The following CDH4 variants were observed in gnomAD, a reference collection of about 807,000 sequenced individuals.
CDH4 encodes cadherin-4.
CDH4 carries 33 observed loss-of-function variants against 86.0 expected under a neutral mutation model. The ratio of observed to expected loss-of-function variants is 0.38; its 90% CI spans 0.29 to 0.51. CDH4 has a LOEUF of 0.51. Among genes scored for constraint, CDH4 ranks in the 20% least tolerant of loss-of-function variants. The pLI, the probability that CDH4 is intolerant of heterozygous loss-of-function variation, is 0.86. For synonymous variants in CDH4, 555 were observed against 549.4 expected, an observed-to-expected ratio of 1.01 and a Z score of -0.14; for missense variants, 1,114 against 1,307.4, an observed-to-expected ratio of 0.85 and a Z score of 2.28.
chr20:61,707,980 G>A (rs1228022285), intron 2 of CDH4, among the ~76,000 whole-genome samples: 4 of 152,132 alleles, frequency 2.6e-5, no homozygotes, highest in Admixed American at 6.5e-5. Context: ...TTAGGAAGGC[G>A]GCCACCAGGC....
chr20:61,681,174 C>A lies in CDH4; in HGVS notation c.170-62389C>A, dbSNP rs566627583. 6.6e-6 allele frequency among the ~76,000 whole-genome samples: 1 copy of A among 152,314 alleles called. No individual in the cohort carries two copies. Among genetic ancestry groups the A allele is most frequent in the Admixed American group, 6.5e-5 (1 of 15,298 alleles). ...TGCAAGGGTAAAACACCCGCCCTCA[C>A]GTCCTAATGGCTTTTTTTCTCTTTC... On this transcript the variant is annotated intron_variant, in intron 2 of 15. Coordinates refer to ENST00000614565, the MANE Select transcript of CDH4 (RefSeq NM_001794.5). This position sits in a 1 kb window ranked among gnomAD's most constrained non-coding sequence, Gnocchi z 4.5.
intron 2 of CDH4, among the ~76,000 whole-genome samples, chr20:61,329,153 A>G (rs2123257073): frequency 6.6e-6 from 1 of 152,388 alleles, no homozygotes; most frequent in Non-Finnish European, 1.5e-5. Context: ...CTGAACGTGT[A>G]TCATTTTTGT....
At chr20:61,556,242 C>A (rs2086176550) in intron 2 of CDH4, among the ~76,000 whole-genome samples, 1 of 149,372 alleles carries the variant, frequency 6.7e-6, no homozygotes, top group Non-Finnish European at 1.5e-5. Flanking sequence ...ATGATCTGGG[C>A]AAATGCAGGC....
intron 2 of CDH4, among the ~76,000 whole-genome samples, chr20:61,424,084 G>GTATACACACA (rs1568839117): frequency 6.7e-6 from 1 of 150,058 alleles, no homozygotes; most frequent in African/African-American, 2.5e-5. Flanking sequence ...CAGCACACAC[G>GTATACACACA]TATACACACG....
In CDH4 at chr20:61,852,774, C is replaced by T. The variant is rs372639772; in HGVS notation, c.753C>T (p.Asp251=). 6.3e-5 allele frequency: 101 copies of T among 1,613,374 alleles called. No individual in the cohort carries two copies. Among genetic ancestry groups the T allele is most frequent in the Non-Finnish European group, 8.5e-5 (100 of 1,179,658 alleles). The change falls in exon 6 of 16, where the codon GAC becomes GAT. Residue 251 remains aspartate, a synonymous_variant. Transcript: ENST00000614565. ...ASYHLRAHAV[D]MNGNKVENPI... ...TCCAGCTCCGAGCCCACGCTGTGGA[C>T]ATGAATGGCAACAAGGTGGAGAACC... is the stretch of plus-strand genomic sequence containing the variant.
At chr20:61,766,950 G>T (rs2088706633) in intron 3 of CDH4, among the ~76,000 whole-genome samples, 3 of 152,254 alleles carry the variant, frequency 2.0e-5, no homozygotes. Context: ...CCAATCGTGG[G>T]CCCTGTGGGA....
At chr20:61,671,075 T>G (rs1371328724) in intron 2 of CDH4, among the ~76,000 whole-genome samples, 1 of 151,852 alleles carries the variant, frequency 6.6e-6, no homozygotes, top group African/African-American at 2.4e-5. Flanking sequence ...AATGGATAGG[T>G]AGATGGAGGG....
At chr20:61,359,222 T>C (rs28726336) in intron 2 of CDH4, among the ~76,000 whole-genome samples, 34,669 of 152,084 alleles carry the variant, frequency 0.23, 4,482 homozygotes, top group South Asian at 0.35. Flanking sequence ...CTCTTAAACC[T>C]GGCGAGGTAT....
intron 4 of CDH4, among the ~76,000 whole-genome samples, chr20:61,830,595 C>G (rs1981553658): frequency 6.6e-6 from 1 of 152,340 alleles, no homozygotes; most frequent in South Asian, 2.1e-4. Context: ...AGGCCTCCCC[C>G]ATGCTGAGCT....
chr20:61,856,533 C>T (rs1159244121), intron 6 of CDH4, among the ~76,000 whole-genome samples: 2 of 150,256 alleles, frequency 1.3e-5, no homozygotes, highest in African/African-American at 4.9e-5. Flanking sequence ...CTCTTCCCCA[C>T]CTCCCCCCGC....
intron 2 of CDH4, among the ~76,000 whole-genome samples, chr20:61,297,057 A>G (rs924609784): frequency 1.3e-5 from 2 of 152,136 alleles, no homozygotes; most frequent in African/African-American, 4.8e-5. Flanking sequence ...TTTACTTACC[A>G]TGTATTAGGG....
chr20:61,898,485 T>G (rs1189582602), intron 8 of CDH4, among the ~76,000 whole-genome samples: 2 of 152,082 alleles, frequency 1.3e-5, no homozygotes, highest in Non-Finnish European at 2.9e-5. Context: ...CCCCAAAGCC[T>G]CCTATTAACA....
At chr20:61,484,443 T>C (rs1405860023) in intron 2 of CDH4, among the ~76,000 whole-genome samples, 1 of 152,212 alleles carries the variant, frequency 6.6e-6, no homozygotes, top group East Asian at 1.9e-4. Flanking sequence ...GCTGCATCGC[T>C]GTTTCTCCAG....
chr20:61,494,372 A>G (rs182879318), intron 2 of CDH4, among the ~76,000 whole-genome samples: 5 of 152,334 alleles, frequency 3.3e-5, no homozygotes, highest in African/African-American at 7.2e-5. Context: ...AAACCCATAA[A>G]TGAATCTTTA....
intron 2 of CDH4, among the ~76,000 whole-genome samples, chr20:61,700,311 C>T (rs910713451): frequency 2.6e-5 from 4 of 152,196 alleles, no homozygotes; most frequent in Admixed American, 6.5e-5. Flanking sequence ...CACTGTCAGC[C>T]GTTCTGACTG....
chr20:61,495,830 G>T (rs903705863), intron 2 of CDH4, among the ~76,000 whole-genome samples: 2 of 150,458 alleles, frequency 1.3e-5, no homozygotes, highest in Non-Finnish European at 3.0e-5. Context: ...TTGAACTCAG[G>T]TGGTGGAGGT....
intron 7 of CDH4, among the ~76,000 whole-genome samples, chr20:61,888,147 G>T (rs192435181): frequency 6.6e-6 from 1 of 152,320 alleles, no homozygotes; most frequent in Admixed American, 6.5e-5. Flanking sequence ...GGACTGAAGT[G>T]AGATGCAGCC....
chr20:61,808,675 T>C (rs1980268080), intron 4 of CDH4, among the ~76,000 whole-genome samples: 1 of 152,226 alleles, frequency 6.6e-6, no homozygotes, highest in African/African-American at 2.4e-5. Context: ...CTCCCCAGGC[T>C]GTGAGCCTGC....
intron 2 of CDH4, among the ~76,000 whole-genome samples, chr20:61,609,758 A>G (rs2086671055): frequency 6.6e-6 from 1 of 152,236 alleles, no homozygotes; most frequent in African/African-American, 2.4e-5. Flanking sequence ...GCGTCTCAGC[A>G]TGCACTTGAT....
Sources: gnomAD v4.1 joint callset for allele counts (sites outside exome capture counted in the v4.1 genomes callset) on GRCh38, gnomAD v4.1.1 for gene constraint, Gnocchi (gnomAD v3.1) non-coding constraint, MANE v1.5 for transcripts, NCBI Gene and HGNC (gene_info 2026-07-23, HGNC 2026-07-21) for gene names.